The following NRXN3 variants were observed in gnomAD, a reference collection of about 807,000 sequenced individuals.
NRXN3 encodes the protein neurexin III.
Under a neutral mutation model 137.6 loss-of-function variants are expected in NRXN3, and 32 were observed. The observed-to-expected ratio is 0.23, with a 90% CI of 0.18 to 0.31. The LOEUF (loss-of-function observed/expected upper bound fraction) is 0.31. Ranked by LOEUF, NRXN3 falls within the 10% of genes least tolerant of loss-of-function variation. The pLI is 1.00. For missense variants in NRXN3, 1,574 were observed against 2,062.5 expected (o/e 0.76, Z 4.59); for synonymous variants, 798 against 784.5 (o/e 1.02, Z -0.29).
intron 4 of NRXN3, among the ~76,000 whole-genome samples, chr14:78,525,736 G>C (rs1451257165): frequency 6.6e-6 from 1 of 152,112 alleles, no homozygotes; most frequent in Non-Finnish European, 1.5e-5. Flanking sequence ...AATACTTTAG[G>C]AGAGATTAAC....
intron 6 of NRXN3, among the ~76,000 whole-genome samples, chr14:78,668,918 C>CTCTATCTA (rs60427407): frequency 0.13 from 20,162 of 149,580 alleles, 1,574 homozygotes; most frequent in African/African-American, 0.2. Flanking sequence ...ACATATTAAA[C>CTCTATCTA]TCTATCTATC....
At chr14:78,635,864 T>C (rs1342680947) in intron 4 of NRXN3, among the ~76,000 whole-genome samples, 2 of 152,224 alleles carry the variant, frequency 1.3e-5, no homozygotes, top group African/African-American at 4.8e-5. Context: ...TAATTACTTA[T>C]ATACTCTGTG....
At chr14:78,658,468 C>G (rs573797020) in intron 6 of NRXN3, among the ~76,000 whole-genome samples, 3 of 152,080 alleles carry the variant, frequency 2.0e-5, no homozygotes, top group Admixed American at 2.0e-4. Flanking sequence ...GAAACAAAAT[C>G]AATTAGTTCA....
chr14:78,518,835 A>G (rs1259219189), intron 4 of NRXN3, among the ~76,000 whole-genome samples: 2 of 152,124 alleles, frequency 1.3e-5, no homozygotes. Context: ...AGAACAAAGA[A>G]CTACTCGTTC....
At chr14:79,458,095 T>C (rs370087708) in intron 15 of NRXN3, among the ~76,000 whole-genome samples, 2 of 152,300 alleles carry the variant, frequency 1.3e-5, no homozygotes, top group African/African-American at 2.4e-5. Context: ...TCCTTAAAGA[T>C]GTCACGTTGC....
intron 15 of NRXN3, among the ~76,000 whole-genome samples, chr14:79,393,267 A>G (rs1438999349): frequency 1.3e-5 from 2 of 152,190 alleles, no homozygotes. Context: ...CAACAAACAC[A>G]TTTAAAGAAG....
intron 15 of NRXN3, among the ~76,000 whole-genome samples, chr14:79,100,255 C>T (rs1316779042): frequency 1.3e-5 from 2 of 152,186 alleles, no homozygotes; most frequent in Non-Finnish European, 2.9e-5. Context: ...GAATGAGAGG[C>T]ATAAGACACC....
intron 15 of NRXN3, among the ~76,000 whole-genome samples, chr14:79,138,315 G>T (rs1157703672): frequency 3.3e-5 from 5 of 152,112 alleles, no homozygotes; most frequent in Non-Finnish European, 7.4e-5. Context: ...CACCATGCCT[G>T]GCTAATGCCT....
intron 2 of NRXN3, among the ~76,000 whole-genome samples, chr14:78,244,029 C>A (rs2067331825): frequency 6.6e-6 from 1 of 152,174 alleles, no homozygotes; most frequent in African/African-American, 2.4e-5. Flanking sequence ...GCTCTGTACC[C>A]TACTCAGAGG....
chr14:78,379,021 GAAGA>G (rs986741767), intron 4 of NRXN3, among the ~76,000 whole-genome samples: 1 of 129,276 alleles, frequency 7.7e-6, no homozygotes, highest in Non-Finnish European at 1.6e-5. Context: ...TGATAACTTA[GAAGA>G]AACAGATCAC....
At chr14:79,407,426 T>C (rs1023048207) in intron 15 of NRXN3, among the ~76,000 whole-genome samples, 1 of 152,270 alleles carries the variant, frequency 6.6e-6, no homozygotes, top group Admixed American at 6.5e-5. Context: ...AGAACAGGCA[T>C]AGTTATGATG....
chr14:79,149,725 A>G (rs2059630271), intron 15 of NRXN3, among the ~76,000 whole-genome samples: 1 of 152,096 alleles, frequency 6.6e-6, no homozygotes. Context: ...AAGGAGCTGG[A>G]AGCCATTATC....
chr14:78,802,639 G>A (rs974661299), intron 8 of NRXN3, among the ~76,000 whole-genome samples: 1 of 152,176 alleles, frequency 6.6e-6, no homozygotes, highest in African/African-American at 2.4e-5. Flanking sequence ...GACTGAGGAA[G>A]GTATCAAATA....
At chr14:78,924,660 C>G (rs1182497813) in intron 10 of NRXN3, among the ~76,000 whole-genome samples, 3 of 152,028 alleles carry the variant, frequency 2.0e-5, no homozygotes, top group African/African-American at 7.2e-5. Flanking sequence ...AAATTTTAGC[C>G]TAGTAATTTC....
At chr14:78,467,581 A>C (rs2095146200) in intron 4 of NRXN3, among the ~76,000 whole-genome samples, 1 of 152,132 alleles carries the variant, frequency 6.6e-6, no homozygotes. Context: ...ACTCCAACTT[A>C]TTGTTTATGC....
At chr14:78,815,753 T>C (rs1475856070) in intron 10 of NRXN3, among the ~76,000 whole-genome samples, 1 of 152,180 alleles carries the variant, frequency 6.6e-6, no homozygotes, top group African/African-American at 2.4e-5. Context: ...TGTTTAGCTC[T>C]TTCCTTTAAC....
intron 4 of NRXN3, among the ~76,000 whole-genome samples, chr14:78,562,607 C>T (rs2096797731): frequency 6.6e-6 from 1 of 151,900 alleles, no homozygotes; most frequent in Non-Finnish European, 1.5e-5. Flanking sequence ...AAGAAAGAGG[C>T]CCAGGAGGTC....
intron 16 of NRXN3, among the ~76,000 whole-genome samples, chr14:79,660,611 C>T (rs923169855): frequency 3.9e-5 from 6 of 152,140 alleles, no homozygotes; most frequent in Non-Finnish European, 8.8e-5. Context: ...TGCTGATCAG[C>T]GAACTCACTG....
chr14:78,843,083 A>G (rs1868935034), intron 10 of NRXN3, among the ~76,000 whole-genome samples: 1 of 152,196 alleles, frequency 6.6e-6, no homozygotes, highest in Non-Finnish European at 1.5e-5. Flanking sequence ...AAAGACAAGC[A>G]TAGGAAATCA....
Sources: allele counts gnomAD v4.1 joint callset (sites outside exome capture counted in the v4.1 genomes callset), GRCh38; gene constraint gnomAD v4.1.1; transcripts MANE v1.5; gene names NCBI Gene and HGNC (gene_info 2026-07-23, HGNC 2026-07-21).